HACL1: variants seen among roughly 807,000 people sequenced by gnomAD.
The protein encoded by HACL1 is 2-hydroxyacyl-CoA lyase 1, also known as 1600020H07Rik.
HACL1 carries 64 observed loss-of-function variants against 74.2 expected under a neutral mutation model. The observed-to-expected ratio is 0.86, with a 90% CI of 0.70 to 1.06. The LOEUF is 1.06. Ranked by LOEUF, HACL1 falls within the 50% of genes least tolerant of loss-of-function variation. The pLI is 0.00. For missense variants in HACL1, 728 were observed against 719.7 expected (o/e 1.01, Z -0.13); for synonymous variants, 230 against 238.8 (o/e 0.96, Z 0.34).
Position 15,601,430 on chromosome 3 carries a change from CCTCGCTGCG to C in HACL1, c.25_33del (p.Arg9_Glu11del). On this transcript the variant is annotated inframe_deletion, in exon 1 of 17. Coordinates refer to ENST00000321169, the MANE Select transcript of HACL1 (RefSeq NM_012260.4). Reference sequence around the variant, plus strand: ...ATGACTTTAGCACCAGACACCTGCTCCTCGCTGCGCTCTGCGAAGTTACTGTCCGGCATC... The same window carrying C: ...ATGACTTTAGCACCAGACACCTGCTCCTCTGCGAAGTTACTGTCCGGCATC... 1 of 1,613,930 alleles carries C rather than the reference CCTCGCTGCG, an allele frequency of 6.2e-7. No homozygotes were observed.
intron 14 of HACL1, among the ~76,000 whole-genome samples, chr3:15,565,956 T>A (rs2063427864): frequency 6.6e-6 from 1 of 152,210 alleles, no homozygotes; most frequent in African/African-American, 2.4e-5. Flanking sequence ...TATTCAGTAT[T>A]TTAAAGTAAT....
rs893804045 is a variant in HACL1, at chr3:15,583,563, C to T, written c.555-574G>A. ...TAACTTGTCCAAGATCTCCAGATGG[C>T]ACGTGGCAGAGACAGGACTGAACTA... On this transcript the variant is annotated intron_variant, in intron 7 of 16. Coordinates refer to ENST00000321169, the MANE Select transcript of HACL1 (RefSeq NM_012260.4). 2.6e-5 allele frequency among the ~76,000 whole-genome samples: 4 copies of T among 152,006 alleles called. No homozygotes were observed. In the East Asian group the frequency reaches 7.7e-4, roughly 29 times the overall value.
At chr3:15,586,444 T>G in intron 6 of HACL1, 81 bp downstream of exon 6, 1 of 764,032 alleles carries the variant, frequency 1.3e-6, no homozygotes, top group South Asian at 1.6e-5. Context: ...TCACTCATTC[T>G]TTTGAGAATA....
chr3:15,590,744 G>A lies in HACL1; in HGVS notation c.308+856C>T, dbSNP rs139630585. Among the ~76,000 whole-genome samples, 7 of 152,216 alleles carry A rather than the reference G, an allele frequency of 4.6e-5. No individual in the cohort carries two copies. The East Asian group carries it at 5.8e-4, about 13-fold the overall frequency. ...TTAAAGTAAATAGAACTACACATAC[G>A]TTCACACATACACACACATATTAGG... On this transcript the variant is annotated intron_variant, in intron 4 of 16. Coordinates refer to ENST00000321169, the MANE Select transcript of HACL1 (RefSeq NM_012260.4).
intron 3 of HACL1, among the ~76,000 whole-genome samples, chr3:15,592,451 C>CACACACGTATACAT (rs1559561653): frequency 7.4e-6 from 1 of 135,004 alleles, no homozygotes; most frequent in African/African-American, 2.8e-5. Context: ...CGTATACATA[C>CACACACGTATACAT]ACACACGTAT....
Position 15,568,535 on chromosome 3 carries a change from G to T in HACL1, c.1147C>A (p.His383Asn). The T allele has an allele frequency of 6.3e-7, 1 of 1,582,884 alleles. No individual in the cohort carries two copies. Among genetic ancestry groups the T allele is most frequent in the Non-Finnish European group, 8.7e-7 (1 of 1,152,782 alleles). Residue 383 changes from histidine to asparagine, a missense_variant, in exon 13 of 17, where the codon CAT becomes AAT. Physicochemically the swap from His to Asn is moderately conservative, Grantham distance 68. Transcript: ENST00000321169. ...TCTCTAGGTAGTTGTTCTTGAACAT[G>T]GTAGAATACTGTGTAATAATTCATA... ...LPMNYYTVFY[H>N]VQEQLPRDCF...
At chr3:15,582,766 T>C in intron 8 of HACL1, 111 bp downstream of exon 8, 2 of 591,600 alleles carry the variant, frequency 3.4e-6, no homozygotes, top group South Asian at 2.3e-5. Context: ...ATGAAGAGAA[T>C]TCTTATTCCA....
At chr3:15,589,515 A>G (rs1421232836) in intron 5 of HACL1, 25 bp downstream of exon 5, 31 of 1,516,284 alleles carry the variant, frequency 2.0e-5, no homozygotes, top group Non-Finnish European at 2.8e-5. Flanking sequence ...AAAATAAAAA[A>G]AACCAAAATC....
chr3:15,567,665 T>C lies in HACL1; in HGVS notation c.1409+179A>G, dbSNP rs925687575. 1.1e-4 allele frequency among the ~76,000 whole-genome samples: 16 copies of C among 152,338 alleles called. 4 individuals carry two copies. The highest frequency in any genetic ancestry group is 1.9e-4 in the East Asian group (1 of 5,188). Reference sequence around the variant, plus strand: ...CCATACAGTGAGGAGGCCAGAAAGATACGGTTCTGGAAGAGAAAGACCGTG... The same window carrying C: ...CCATACAGTGAGGAGGCCAGAAAGACACGGTTCTGGAAGAGAAAGACCGTG... On this transcript the variant is annotated intron_variant, in intron 14 of 16. Coordinates refer to ENST00000321169, the MANE Select transcript of HACL1 (RefSeq NM_012260.4).
At chr3:15,599,969 C>A (rs1275539959) in intron 2 of HACL1, among the ~76,000 whole-genome samples, 1 of 152,056 alleles carries the variant, frequency 6.6e-6, no homozygotes, top group Non-Finnish European at 1.5e-5. Context: ...GATGAAAGAA[C>A]AGAATGTTGT....
At chr3:15,571,040 T>G (rs898551611) in intron 12 of HACL1, among the ~76,000 whole-genome samples, 2 of 151,888 alleles carry the variant, frequency 1.3e-5, no homozygotes, top group Admixed American at 6.6e-5. Context: ...TGCAGTGGCA[T>G]GATCTACTAC....
chr3:15,596,708 G>C (rs2064072835), intron 2 of HACL1, among the ~76,000 whole-genome samples: 1 of 151,952 alleles, frequency 6.6e-6, no homozygotes, highest in Non-Finnish European at 1.5e-5. Flanking sequence ...TAACAATATT[G>C]GTAATTTGTT....
At chr3:15,585,642 A>G (rs2063782240) in intron 6 of HACL1, among the ~76,000 whole-genome samples, 1 of 152,170 alleles carries the variant, frequency 6.6e-6, no homozygotes, top group Non-Finnish European at 1.5e-5. Flanking sequence ...TTGCACTGTA[A>G]TATGTACTTT....
chr3:15,589,927 T>C (rs7616926), intron 4 of HACL1, among the ~76,000 whole-genome samples: 42,800 of 151,768 alleles, frequency 0.28, 9,510 homozygotes, highest in African/African-American at 0.59. Context: ...CCCAGCTACT[T>C]GGGAGGCTGA....
Position 15,576,029 on chromosome 3 carries a change from G to A in HACL1, c.804-947C>T, listed in dbSNP as rs80046506. Among the ~76,000 whole-genome samples, 353 of 100,938 alleles carry A rather than the reference G, an allele frequency of 3.5e-3. 3 individuals carry two copies. The highest frequency in any genetic ancestry group is 5.6e-3 in the Non-Finnish European group (287 of 51,658). The allele number at this position is 100,938 out of a possible 152,430, so 66.2% of individuals were successfully genotyped here. On this transcript the variant is annotated intron_variant, in intron 9 of 16. Coordinates refer to ENST00000321169, the MANE Select transcript of HACL1 (RefSeq NM_012260.4). ...AAATTAGCTGGTTGTGGTGGTGCGT[G>A]CCTGTAGTCCCAGCTACTCAGGAGG...
intron 3 of HACL1, among the ~76,000 whole-genome samples, chr3:15,592,399 C>CGT (rs1309714715): frequency 6.6e-6 from 1 of 150,614 alleles, no homozygotes; most frequent in Non-Finnish European, 1.5e-5. Flanking sequence ...CACGTGTATA[C>CGT]ATGTAGACAC....
chr3:15,565,513 A>C (rs1315461828), intron 14 of HACL1, among the ~76,000 whole-genome samples: 1 of 152,266 alleles, frequency 6.6e-6, no homozygotes, highest in Non-Finnish European at 1.5e-5. Flanking sequence ...ACAGTGTGCT[A>C]AACAGTATAG....
At chr3:15,584,160 G>C (rs962594983) in intron 7 of HACL1, among the ~76,000 whole-genome samples, 3 of 152,124 alleles carry the variant, frequency 2.0e-5, no homozygotes, top group African/African-American at 7.2e-5. Context: ...AGGACAATCT[G>C]TATAAAATTT....
chr3:15,567,714 G>T, intron 14 of HACL1, 130 bp downstream of exon 14: 2 of 815,360 alleles, frequency 2.5e-6, no homozygotes, highest in Non-Finnish European at 2.0e-6. Context: ...AGCATCCTCA[G>T]GACAGAACAC....
Sources: allele counts gnomAD v4.1 joint callset (sites outside exome capture counted in the v4.1 genomes callset), GRCh38; gene constraint gnomAD v4.1.1; transcripts MANE v1.5; gene names NCBI Gene and HGNC (gene_info 2026-07-23, HGNC 2026-07-21).